Variants in CNTNAP2 observed in about 807,000 individuals in gnomAD.
CNTNAP2 encodes contactin associated protein 2, also known as contactin-associated protein-like 2.
Under a neutral mutation model 155.2 loss-of-function variants are expected in CNTNAP2, and 98 were observed. The ratio of observed to expected loss-of-function variants is 0.63; its 90% CI spans 0.54 to 0.75. The LOEUF (loss-of-function observed/expected upper bound fraction) is 0.75, where lower values mean the gene tolerates loss of function less well. Ranked by LOEUF, CNTNAP2 falls within the 30% of genes least tolerant of loss-of-function variation. CNTNAP2 has a pLI of 0.00. For synonymous variants in CNTNAP2, 651 were observed against 631.2 expected, an observed-to-expected ratio of 1.03 and a Z score of -0.47; for missense variants, 1,727 against 1,688.1, an observed-to-expected ratio of 1.02 and a Z score of -0.40.
At chr7:147,960,867 A>G (rs1460307043) in intron 14 of CNTNAP2, among the ~76,000 whole-genome samples, 1 of 151,772 alleles carries the variant, frequency 6.6e-6, no homozygotes, top group African/African-American at 2.4e-5. Context: ...TTTATGCCCT[A>G]GAAATAAGTC....
chr7:148,039,029 G>A (rs552586997), intron 15 of CNTNAP2, among the ~76,000 whole-genome samples: 2 of 152,316 alleles, frequency 1.3e-5, no homozygotes, highest in African/African-American at 4.8e-5. Flanking sequence ...CTGTACATAT[G>A]AGAAGAGATT....
intron 1 of CNTNAP2, among the ~76,000 whole-genome samples, chr7:146,409,228 T>C (rs960216366): frequency 1.1e-4 from 17 of 152,180 alleles, no homozygotes; most frequent in African/African-American, 3.9e-4. Flanking sequence ...CAGTATTAAA[T>C]ATCTAAAGGT....
At chr7:146,926,988 T>C (rs370547055) in intron 3 of CNTNAP2, among the ~76,000 whole-genome samples, 3 of 152,136 alleles carry the variant, frequency 2.0e-5, no homozygotes, top group South Asian at 2.1e-4. Flanking sequence ...GAAGAAATCC[T>C]TGAGAGAAAC....
intron 13 of CNTNAP2, among the ~76,000 whole-genome samples, chr7:147,833,141 TC>T (rs199526350): frequency 4.4e-4 from 67 of 151,284 alleles, no homozygotes; most frequent in Middle Eastern, 3.4e-3. Context: ...TTTTTTTTTT[TC>T]ATGAAACAAT....
intron 10 of CNTNAP2, among the ~76,000 whole-genome samples, chr7:147,442,239 CTT>C (rs60642578): frequency 0.016 from 2,509 of 152,252 alleles, 72 homozygotes; most frequent in African/African-American, 0.058. Context: ...CCTTCCCACT[CTT>C]CTCTCCCCTT....
chr7:146,815,283 C>A (rs757410516), intron 2 of CNTNAP2, among the ~76,000 whole-genome samples: 28 of 151,988 alleles, frequency 1.8e-4, no homozygotes, highest in Admixed American at 1.4e-3. Context: ...AATCATAAAT[C>A]TAATATATTT....
Position 148,415,562 on chromosome 7 carries a change from C to G in CNTNAP2, c.3942C>G (p.Asn1314Lys). 1 of 1,614,206 alleles carries G rather than the reference C, an allele frequency of 6.2e-7. No individual in the cohort carries two copies. Among genetic ancestry groups the G allele is most frequent in the Non-Finnish European group, 8.5e-7 (1 of 1,180,038 alleles). Reference protein sequence around the residue: ...AESADAAIMNNDPNFTETIDE... With the variant: ...AESADAAIMNKDPNFTETIDE... Reference sequence around the variant, plus strand: ...GCGCGGACGCCGCCATCATGAACAACGACCCCAACTTCACAGAGACCATTG... The same window carrying G: ...GCGCGGACGCCGCCATCATGAACAAGGACCCCAACTTCACAGAGACCATTG... Residue 1314 changes from asparagine to lysine, a missense_variant, in exon 24 of 24, where the codon AAC becomes AAG. Asn to Lys is a moderately conservative substitution (Grantham distance 94, BLOSUM62 0). Transcript: ENST00000361727.
chr7:147,395,485 T>C lies in CNTNAP2; in HGVS notation c.1499-124T>C, dbSNP rs73740624. 5.7e-4 allele frequency: 544 copies of C among 949,944 alleles called. 2 individuals are homozygous for C. In the African/African-American group the frequency reaches 8.5e-3, roughly 15 times the overall value. 58.8% of individuals were successfully genotyped at this position (949,944 alleles called of 1,614,324 possible). The stretch of plus-strand genomic sequence containing the variant: ...TCCTTTTTCTACACTGAATATAACA[T>C]CAGCAAGGATTAAAGAAACAGTAGT... On this transcript the variant is annotated intron_variant, in intron 9 of 23. Transcript: ENST00000361727.
chr7:147,165,207 G>T (rs541843529), intron 8 of CNTNAP2, among the ~76,000 whole-genome samples: 2 of 152,096 alleles, frequency 1.3e-5, no homozygotes, highest in Admixed American at 1.3e-4. Flanking sequence ...GGAGTAAGGG[G>T]GTATTGCATT....
intron 2 of CNTNAP2, among the ~76,000 whole-genome samples, chr7:146,826,865 G>T (rs987376550): frequency 6.0e-5 from 9 of 150,812 alleles, no homozygotes; most frequent in Admixed American, 4.0e-4. Context: ...TATAGAGAGA[G>T]AGAGAGAGAG....
chr7:147,693,747 C>T (rs527394299), intron 13 of CNTNAP2, among the ~76,000 whole-genome samples: 1 of 151,982 alleles, frequency 6.6e-6, no homozygotes, highest in Admixed American at 6.6e-5. Flanking sequence ...GTTGTTGATT[C>T]TTTCAGATTT....
At chr7:146,180,349 T>G (rs2116834781) in intron 1 of CNTNAP2, among the ~76,000 whole-genome samples, 1 of 152,018 alleles carries the variant, frequency 6.6e-6, no homozygotes, top group African/African-American at 2.4e-5. Context: ...CTTCCTTTCT[T>G]TATCCTTCAT....
chr7:147,873,415 G>A (rs1487501841), intron 13 of CNTNAP2, among the ~76,000 whole-genome samples: 1 of 152,136 alleles, frequency 6.6e-6, no homozygotes, highest in East Asian at 1.9e-4. Flanking sequence ...AGAACACAAA[G>A]GAAGGGCAAA....
chr7:148,168,969 A>G (rs565590240), intron 17 of CNTNAP2, among the ~76,000 whole-genome samples: 102 of 152,364 alleles, frequency 6.7e-4, no homozygotes, highest in South Asian at 2.7e-3. Flanking sequence ...CACACAAATA[A>G]GACAGGTGGA....
chr7:147,114,408 G>A (rs1233985206), intron 5 of CNTNAP2, among the ~76,000 whole-genome samples: 1 of 151,984 alleles, frequency 6.6e-6, no homozygotes, highest in Non-Finnish European at 1.5e-5. Flanking sequence ...TTGTCAGTGG[G>A]GTATTAAAGT....
At chr7:146,534,956 CA>C (rs1286538441) in intron 1 of CNTNAP2, among the ~76,000 whole-genome samples, 1 of 145,312 alleles carries the variant, frequency 6.9e-6, no homozygotes, top group Non-Finnish European at 1.5e-5. Flanking sequence ...AAATATTTTG[CA>C]TGCATCCTAA....
At chr7:147,967,148 T>G (rs1015777917) in intron 14 of CNTNAP2, among the ~76,000 whole-genome samples, 1 of 152,194 alleles carries the variant, frequency 6.6e-6, no homozygotes, top group Non-Finnish European at 1.5e-5. Flanking sequence ...TGAGTCATGA[T>G]GTACAAAATG....
chr7:146,434,013 G>A (rs777398293), intron 1 of CNTNAP2, among the ~76,000 whole-genome samples: 10 of 152,114 alleles, frequency 6.6e-5, no homozygotes, highest in Non-Finnish European at 1.2e-4. Context: ...CCAGAAAAGC[G>A]ACCATGGCCT....
In CNTNAP2 at chr7:146,137,528, G is replaced by A. The variant is rs909587439; in HGVS notation, c.97+20555G>A. On this transcript the variant is annotated intron_variant, in intron 1 of 23. Transcript: ENST00000361727. ...AGAAGAAGGTGAGCTGCTTGATTAC[G>A]CTGTACTAGCAAACTGTGAATTTAT... is the stretch of plus-strand genomic sequence containing the variant. 3.9e-5 allele frequency among the ~76,000 whole-genome samples: 6 copies of A among 152,086 alleles called. No individual in the cohort carries two copies. The South Asian group carries it at 1.0e-3, about 26-fold the overall frequency.
Sources: allele counts gnomAD v4.1 joint callset (sites outside exome capture counted in the v4.1 genomes callset), GRCh38; gene constraint gnomAD v4.1.1; transcripts MANE v1.5; gene names NCBI Gene and HGNC (gene_info 2026-07-23, HGNC 2026-07-21).